The following PSD2 variants were observed in gnomAD, a reference collection of about 807,000 sequenced individuals.
PSD2 encodes the protein PH and SEC7 domain-containing protein 2.
Under a neutral mutation model 69.8 loss-of-function variants are expected in PSD2, and 38 were observed. The ratio of observed to expected loss-of-function variants is 0.54; its 90% confidence interval spans 0.42 to 0.71. The LOEUF (loss-of-function observed/expected upper bound fraction) is 0.71. Ranked by LOEUF, PSD2 falls within the 30% of genes least tolerant of loss-of-function variation. The pLI, the probability that PSD2 is intolerant of heterozygous loss-of-function variation, is 0.00. For synonymous variants in PSD2, 412 were observed against 423.0 expected (o/e 0.97, Z 0.32); for missense variants, 943 against 1,014.5 (o/e 0.93, Z 0.96).
intron 4 of PSD2, among the ~76,000 whole-genome samples, chr5:139,816,181 C>A (rs1256158022): frequency 6.6e-6 from 1 of 152,042 alleles, no homozygotes; most frequent in Non-Finnish European, 1.5e-5. Context: ...GACACTCTAT[C>A]ATTTGATTTA....
upstream of PSD2, among the ~76,000 whole-genome samples, chr5:139,791,847 A>G (rs1446729219): frequency 6.6e-5 from 10 of 152,162 alleles, no homozygotes; most frequent in Admixed American, 4.6e-4. Flanking sequence ...CTGTACAGGG[A>G]GATAAGAGCT....
chr5:139,833,750 C>A lies in PSD2; in HGVS notation c.1318C>A (p.Gln440Lys). The stretch of plus-strand genomic sequence containing the variant: ...TCAGCAATTCATTGCCAACTTGGAC[C>A]AGCTGAATGATGGCCAAGACTTTGC... ...SCQQFIANLD[Q>K]LNDGQDFAKD... Residue 440 changes from glutamine (Q) to lysine (K), a missense_variant, in exon 8 of 15, where the codon CAG becomes AAG. Gln to Lys is a moderately conservative substitution (Grantham distance 53). Transcript: ENST00000274710. 1 of 1,614,024 alleles carries A rather than the reference C, an allele frequency of 6.2e-7. No homozygotes were observed. Among genetic ancestry groups the A allele is most frequent in the South Asian group, 1.1e-5 (1 of 91,076 alleles).
intron 2 of PSD2, among the ~76,000 whole-genome samples, chr5:139,812,719 G>T (rs1760002710): frequency 6.6e-6 from 1 of 152,180 alleles, no homozygotes; most frequent in Non-Finnish European, 1.5e-5. Context: ...GGTGCGTTTG[G>T]CCGAGCTAAG....
upstream of PSD2, among the ~76,000 whole-genome samples, chr5:139,793,340 G>T (rs1015336459): frequency 6.6e-6 from 1 of 152,196 alleles, no homozygotes; most frequent in African/African-American, 2.4e-5. Context: ...CTCACACAGA[G>T]CTCACCTGTG....
At chr5:139,800,087 G>A (rs1759632554) in intron 1 of PSD2, among the ~76,000 whole-genome samples, 1 of 152,192 alleles carries the variant, frequency 6.6e-6, no homozygotes. Flanking sequence ...GCAGGGGAGG[G>A]CCCTGAGCAG....
chr5:139,829,344 A>G (rs1198418355), intron 7 of PSD2, among the ~76,000 whole-genome samples: 2 of 152,222 alleles, frequency 1.3e-5, no homozygotes, highest in African/African-American at 2.4e-5. Flanking sequence ...TTTTCTTGTT[A>G]TGAAACTTAC....
chr5:139,813,672 T>G lies in PSD2; in HGVS notation c.735T>G (p.Asn245Lys). 6.2e-7 allele frequency: 1 copy of G among 1,613,814 alleles called. No homozygotes were observed. The highest frequency in any genetic ancestry group is 8.5e-7 in the Non-Finnish European group (1 of 1,179,952). The part of the protein sequence containing the change: ...LSRLSLMAMP[N>K]GFHEDGPQGP... ...GCCTGTCTCTCATGGCCATGCCCAA[T>G]GGATTCCATGAAGATGGCCCTCAGG... The change falls in exon 3 of 15, where the codon AAT becomes AAG. Residue 245 changes from asparagine (N) to lysine (K), a missense_variant. By Grantham distance (94) the Asn-to-Lys change is moderately conservative. This residue lies in a region of PSD2 where 466 missense variants were observed against 445.0 expected (regional missense o/e 1.05). Transcript: ENST00000274710.
At chr5:139,833,656 C>A in intron 7 of PSD2, 46 bp from the exon 8 acceptor site, 1 of 1,431,208 alleles carries the variant, frequency 7.0e-7, no homozygotes, top group Non-Finnish European at 9.9e-7. Context: ...GGGGAACACA[C>A]CAGCCTCCTT....
At chr5:139,770,336 C>A in the PSD2 span, among the ~76,000 whole-genome samples, 538 of 152,266 alleles carry the variant, frequency 3.5e-3, 2 homozygotes, top group African/African-American at 0.012. Context: ...GCAGGTGGAT[C>A]TCCTGAGGTC....
chr5:139,759,395 CG>C, the PSD2 span, among the ~76,000 whole-genome samples: 11 of 152,194 alleles, frequency 7.2e-5, no homozygotes, highest in Middle Eastern at 3.4e-3. Context: ...ACCCCATGGG[CG>C]GATGCTGCCC....
At chr5:139,789,765 C>T in the PSD2 span, among the ~76,000 whole-genome samples, 4 of 151,988 alleles carry the variant, frequency 2.6e-5, no homozygotes, top group African/African-American at 4.8e-5. Flanking sequence ...GTGATGGCAG[C>T]GGTGGTGGGG....
At chr5:139,809,156 G>A (rs561191503) in intron 1 of PSD2, among the ~76,000 whole-genome samples, 46 of 152,320 alleles carry the variant, frequency 3.0e-4, no homozygotes, top group African/African-American at 1.0e-3. Flanking sequence ...CGAAGGGCAG[G>A]GACTGGGGCA....
At chr5:139,826,148 T>C (rs1760413942) in intron 7 of PSD2, among the ~76,000 whole-genome samples, 1 of 152,164 alleles carries the variant, frequency 6.6e-6, no homozygotes, top group African/African-American at 2.4e-5. Context: ...GTCAAGGTCA[T>C]TGGAGACCTT....
chr5:139,804,054 G>A (rs1038004498), intron 1 of PSD2, among the ~76,000 whole-genome samples: 5 of 152,204 alleles, frequency 3.3e-5, no homozygotes, highest in East Asian at 3.9e-4. Context: ...TGCGGTGTGG[G>A]CATCGCTGTT....
At chr5:139,830,565 C>CCTTTCTTTCTTT in intron 7 of PSD2, among the ~76,000 whole-genome samples, 1 of 120,420 alleles carries the variant, frequency 8.3e-6, no homozygotes, top group Non-Finnish European at 1.7e-5. Flanking sequence ...TTCCTTCCTT[C>CCTTTCTTTCTTT]CTTTCTTTCT....
the PSD2 span, among the ~76,000 whole-genome samples, chr5:139,755,734 CTG>C: frequency 6.6e-6 from 1 of 151,214 alleles, no homozygotes; most frequent in Non-Finnish European, 1.5e-5. Flanking sequence ...GATGCTGTGA[CTG>C]TGTCTCTGTG....
intron 9 of PSD2, among the ~76,000 whole-genome samples, chr5:139,836,148 G>T (rs1018658229): frequency 6.6e-6 from 1 of 152,192 alleles, no homozygotes; most frequent in Non-Finnish European, 1.5e-5. Flanking sequence ...CGTTTAGGTG[G>T]TGACTGTTAT....
intron 1 of PSD2, among the ~76,000 whole-genome samples, chr5:139,797,727 C>T (rs982196222): frequency 2.6e-5 from 4 of 152,152 alleles, no homozygotes; most frequent in Non-Finnish European, 5.9e-5. Context: ...TAGAGGGAGG[C>T]ACTACCCTTA....
intron 12 of PSD2, 34 bp from the exon 13 acceptor site, chr5:139,838,594 A>G: frequency 6.3e-7 from 1 of 1,599,744 alleles, no homozygotes; most frequent in East Asian, 2.2e-5. Context: ...GTCCTGTGTG[A>G]GAGGCCGGCA....
Sources: gnomAD v4.1 joint callset for allele counts (sites outside exome capture counted in the v4.1 genomes callset) on GRCh38, gnomAD v4.1.1 for gene constraint, gnomAD v4.1.1 regional missense constraint, MANE v1.5 for transcripts, NCBI Gene and HGNC (gene_info 2026-07-23, HGNC 2026-07-21) for gene names.